MAGI2: variants seen among roughly 807,000 people sequenced by gnomAD.
The protein encoded by MAGI2 is membrane associated guanylate kinase, WW and PDZ domain containing 2, also known as membrane-associated guanylate kinase, WW and PDZ domain-containing protein 2.
Under a neutral mutation model 133.3 loss-of-function variants are expected in MAGI2, and 35 were observed. The ratio of observed to expected loss-of-function variants is 0.26; its 90% CI spans 0.20 to 0.35. The LOEUF is 0.35. MAGI2 is among the 10% of genes least tolerant of loss of function. The pLI, the probability that MAGI2 is intolerant of heterozygous loss-of-function variation, is 1.00. For missense variants in MAGI2, 1,636 were observed against 1,863.4 expected, an observed-to-expected ratio of 0.88 and a Z score of 2.25; for synonymous variants, 729 against 710.6, an observed-to-expected ratio of 1.03 and a Z score of -0.41.
At chr7:79,177,802 G>A (rs1285795254) in intron 1 of MAGI2, among the ~76,000 whole-genome samples, 2 of 151,986 alleles carry the variant, frequency 1.3e-5, no homozygotes, top group African/African-American at 4.8e-5. Flanking sequence ...AGTATTACTC[G>A]ATGTTCCATC....
At chr7:78,207,595 C>T (rs1044970629) in intron 10 of MAGI2, among the ~76,000 whole-genome samples, 2 of 152,096 alleles carry the variant, frequency 1.3e-5, no homozygotes, top group Admixed American at 1.3e-4. Flanking sequence ...TGGTTTTTGA[C>T]TGATTCATGT....
At chr7:78,044,167 G>GT (rs1811154475) in intron 21 of MAGI2, among the ~76,000 whole-genome samples, 1 of 152,140 alleles carries the variant, frequency 6.6e-6, no homozygotes. Flanking sequence ...AAAATTTACG[G>GT]TACCATTAAT....
At chr7:79,022,634 A>C (rs1337904999) in intron 1 of MAGI2, among the ~76,000 whole-genome samples, 12 of 142,044 alleles carry the variant, frequency 8.4e-5, no homozygotes, top group Non-Finnish European at 1.4e-4. Flanking sequence ...AAGTTTAAAA[A>C]GAGACAAGAT....
chr7:78,403,795 C>G (rs1797124600), intron 6 of MAGI2, among the ~76,000 whole-genome samples: 1 of 152,052 alleles, frequency 6.6e-6, no homozygotes, highest in Non-Finnish European at 1.5e-5. Context: ...ACATAAATGT[C>G]TTCTTTTGAG....
At chr7:78,151,559 A>G (rs1563186564) in intron 16 of MAGI2, among the ~76,000 whole-genome samples, 1 of 152,156 alleles carries the variant, frequency 6.6e-6, no homozygotes, top group Non-Finnish European at 1.5e-5. Context: ...AGGCAAAAAG[A>G]CAGCTTCCCT....
intron 3 of MAGI2, among the ~76,000 whole-genome samples, chr7:78,605,782 G>A (rs1805743759): frequency 6.6e-6 from 1 of 152,180 alleles, no homozygotes; most frequent in African/African-American, 2.4e-5. Flanking sequence ...TTTTTGCAAG[G>A]AAGGAGTTAG....
chr7:79,180,495 C>T (rs1826513862), intron 1 of MAGI2, among the ~76,000 whole-genome samples: 1 of 152,028 alleles, frequency 6.6e-6, no homozygotes, highest in South Asian at 2.1e-4. Context: ...TCCCATGAGA[C>T]TTATTCACCA....
intron 1 of MAGI2, among the ~76,000 whole-genome samples, chr7:79,311,094 C>T (rs1156464341): frequency 6.6e-6 from 1 of 152,058 alleles, no homozygotes; most frequent in East Asian, 1.9e-4. Flanking sequence ...TTCCTGGCCT[C>T]TCTCCAATCA....
chr7:78,579,354 C>T (rs1584720576), intron 3 of MAGI2, among the ~76,000 whole-genome samples: 1 of 152,074 alleles, frequency 6.6e-6, no homozygotes, highest in African/African-American at 2.4e-5. Context: ...CCAGGATATA[C>T]CTCCCCAAAA....
chr7:78,633,686 T>A (rs11766124), intron 2 of MAGI2, among the ~76,000 whole-genome samples: 6,310 of 126,558 alleles, frequency 0.05, 194 homozygotes, highest in Middle Eastern at 0.084. Flanking sequence ...AGCCTGGGCG[T>A]CAGAGCGAGA....
At chr7:79,260,874 A>C (rs1274541735) in intron 1 of MAGI2, among the ~76,000 whole-genome samples, 1 of 152,208 alleles carries the variant, frequency 6.6e-6, no homozygotes, top group Non-Finnish European at 1.5e-5. Context: ...TCTGGTCCCA[A>C]GCATTTCCGA....
intron 3 of MAGI2, among the ~76,000 whole-genome samples, chr7:78,525,834 A>G (rs992553866): frequency 1.3e-5 from 2 of 152,216 alleles, no homozygotes; most frequent in Admixed American, 1.3e-4. Flanking sequence ...TGACTGCTAC[A>G]ACGTGCTAAC....
chr7:78,729,084 T>A (rs1193869866), intron 2 of MAGI2, among the ~76,000 whole-genome samples: 1 of 152,174 alleles, frequency 6.6e-6, no homozygotes, highest in African/African-American at 2.4e-5. Flanking sequence ...ATGATAATGA[T>A]CATATGACTT....
chr7:78,762,303 C>T (rs960689312), intron 2 of MAGI2, among the ~76,000 whole-genome samples: 8 of 151,766 alleles, frequency 5.3e-5, no homozygotes, highest in African/African-American at 9.7e-5. Context: ...ATTAGCCGGG[C>T]GTGGTGGTGC....
At chr7:79,067,130 T>C (rs1272081581) in intron 1 of MAGI2, among the ~76,000 whole-genome samples, 1 of 152,210 alleles carries the variant, frequency 6.6e-6, no homozygotes, top group East Asian at 1.9e-4. Flanking sequence ...AGTAGTTTTA[T>C]CCAATTCTGT....
At chr7:79,109,029 C>G (rs1818686466) in intron 1 of MAGI2, among the ~76,000 whole-genome samples, 1 of 152,192 alleles carries the variant, frequency 6.6e-6, no homozygotes. Context: ...CCTGTACAGC[C>G]TGCAGAACCA....
At chr7:78,305,975 G>T (rs1798215955) in intron 9 of MAGI2, among the ~76,000 whole-genome samples, 1 of 152,150 alleles carries the variant, frequency 6.6e-6, no homozygotes, top group Admixed American at 6.6e-5. Flanking sequence ...TGGCCTTTCA[G>T]AGAACTCACA....
At chr7:78,291,378 C>A (rs1400375272) in intron 9 of MAGI2, among the ~76,000 whole-genome samples, 1 of 152,116 alleles carries the variant, frequency 6.6e-6, no homozygotes, top group East Asian at 1.9e-4. Flanking sequence ...TAAGACTAAA[C>A]CAGGAATAAG....
At chr7:78,763,692 G>A (rs1824740236) in intron 2 of MAGI2, among the ~76,000 whole-genome samples, 1 of 151,686 alleles carries the variant, frequency 6.6e-6, no homozygotes, top group Non-Finnish European at 1.5e-5. Flanking sequence ...ACCCTAAAGA[G>A]TCCAATTATC....
Sources: gnomAD v4.1 joint callset for allele counts (sites outside exome capture counted in the v4.1 genomes callset) on GRCh38, gnomAD v4.1.1 for gene constraint, MANE v1.5 for transcripts, NCBI Gene and HGNC (gene_info 2026-07-23, HGNC 2026-07-21) for gene names.